PDE4DIP: variants seen among roughly 807,000 people sequenced by gnomAD.
PDE4DIP encodes the protein phosphodiesterase 4D interacting protein.
Under a neutral mutation model 221.4 loss-of-function variants are expected in PDE4DIP, and 59 were observed. The observed-to-expected ratio is 0.27, with a 90% CI of 0.22 to 0.33. PDE4DIP has a LOEUF of 0.33. PDE4DIP is among the 10% of genes least tolerant of loss of function. The pLI is 1.00. For synonymous variants in PDE4DIP, 404 were observed against 815.9 expected (o/e 0.50, Z 8.60); for missense variants, 1,036 against 2,154.2 (o/e 0.48, Z 10.28).
chr1:148,985,846 TA>T (rs2061824263), intron 21 of PDE4DIP: 1 of 152,124 alleles, frequency 6.6e-6, no homozygotes. Context: ...ATATGGAGAA[TA>T]GGGGTTTTAA....
At chr1:149,021,246 AAGCT>A in intron 37 of PDE4DIP, 93 bp downstream of exon 40, 1 of 780,728 alleles carries the variant, frequency 1.3e-6, no homozygotes, top group Admixed American at 2.2e-5. Context: ...AGATCATGGG[AAGCT>A]ACAGAGTTCT....
At chr1:148,925,748 T>G (rs2150339689) in intron 1 of PDE4DIP, among the ~76,000 whole-genome samples, 1 of 148,766 alleles carries the variant, frequency 6.7e-6, no homozygotes, top group African/African-American at 2.5e-5. Context: ...TCTCATTCAA[T>G]CCTCACAGAA....
chr1:148,953,820 C>T (rs782051259), intron 5 of PDE4DIP: 19 of 1,474,542 alleles, frequency 1.3e-5, no homozygotes, highest in African/African-American at 9.9e-5. Flanking sequence ...CTTTACAAGA[C>T]ACCTGTGAGT....
intron 1 of PDE4DIP, among the ~76,000 whole-genome samples, chr1:148,927,095 C>T (rs1213434762): frequency 2.7e-5 from 4 of 149,764 alleles, no homozygotes; most frequent in African/African-American, 7.4e-5. Flanking sequence ...TCTAATGAAA[C>T]AAATTATTTG....
intron 1 of PDE4DIP, among the ~76,000 whole-genome samples, chr1:148,907,014 A>T (rs1329856938): frequency 4.6e-5 from 7 of 151,612 alleles, no homozygotes; most frequent in African/African-American, 1.7e-4. Context: ...GCGCCATTGC[A>T]CTCCAGCCTG....
At chr1:148,905,110 G>A (rs587616081) in intron 1 of PDE4DIP, among the ~76,000 whole-genome samples, 1 of 133,436 alleles carries the variant, frequency 7.5e-6, no homozygotes, top group African/African-American at 2.9e-5. Flanking sequence ...TCTGTTCAGA[G>A]TATCTAATTC....
chr1:149,017,671 A>C, intron 33 of PDE4DIP, 77 bp from the exon 37 acceptor site: 1 of 824,178 alleles, frequency 1.2e-6, no homozygotes, highest in South Asian at 1.5e-5. Context: ...CAGGTCCCCT[A>C]GCCGAGCCCC....
At chr1:148,976,149 T>A (rs1350826579) in intron 17 of PDE4DIP, among the ~76,000 whole-genome samples, 1 of 152,242 alleles carries the variant, frequency 6.6e-6, no homozygotes, top group Non-Finnish European at 1.5e-5. Flanking sequence ...TCCAGAGTAA[T>A]GTTACTTTTT....
chr1:148,973,570 A>G (rs1459205569), intron 16 of PDE4DIP, among the ~76,000 whole-genome samples: 3 of 151,284 alleles, frequency 2.0e-5, no homozygotes, highest in African/African-American at 7.3e-5. Flanking sequence ...CCCTCATTTC[A>G]TATTTGTATC....
At chr1:148,830,475 A>G (rs1671712283) in intron 1 of PDE4DIP, among the ~76,000 whole-genome samples, 2 of 90,530 alleles carry the variant, frequency 2.2e-5, no homozygotes, top group Admixed American at 1.1e-4. Flanking sequence ...TGTGCACAAC[A>G]TGCAGGTTAG....
chr1:148,904,784 A>C (rs371221323), intron 1 of PDE4DIP, among the ~76,000 whole-genome samples: 96 of 37,564 alleles, frequency 2.6e-3, no homozygotes, highest in African/African-American at 0.011. Context: ...ATGGTGGATT[A>C]TATTTTTGAT....
At chr1:149,028,096 G>GGAGGTTC (rs1430576350) in intron 40 of PDE4DIP, among the ~76,000 whole-genome samples, 1 of 150,422 alleles carries the variant, frequency 6.6e-6, no homozygotes, top group African/African-American at 2.5e-5. Flanking sequence ...CACCTTGCCA[G>GGAGGTTC]TGAGAGAGAC....
chr1:148,819,771 A>G (rs1668538404), intron 1 of PDE4DIP, among the ~76,000 whole-genome samples: 1 of 68,734 alleles, frequency 1.5e-5, no homozygotes, highest in Admixed American at 1.4e-4. Flanking sequence ...AGGATATCTC[A>G]TGGAACTGTC....
intron 37 of PDE4DIP, among the ~76,000 whole-genome samples, chr1:149,023,608 G>A (rs1327086016): frequency 6.9e-6 from 1 of 144,316 alleles, no homozygotes; most frequent in African/African-American, 2.5e-5. Context: ...ATGTATATGT[G>A]TGCACATATA....
At chr1:149,030,496 C>A (rs2076431416) in intron 43 of PDE4DIP, 1 of 977,286 alleles carries the variant, frequency 1.0e-6, no homozygotes, top group African/African-American at 1.8e-5. Flanking sequence ...TCTTGGTTCA[C>A]TCTCACATTG....
At chr1:148,922,310 C>CT (rs1358757986) in intron 1 of PDE4DIP, among the ~76,000 whole-genome samples, 1 of 147,892 alleles carries the variant, frequency 6.8e-6, no homozygotes, top group Admixed American at 6.7e-5. Flanking sequence ...AATCCCAACA[C>CT]TTTGGGAGGC....
chr1:148,936,778 G>C (rs2049284518), intron 4 of PDE4DIP, among the ~76,000 whole-genome samples: 1 of 151,098 alleles, frequency 6.6e-6, no homozygotes, highest in Non-Finnish European at 1.5e-5. Context: ...CACAAGCCTA[G>C]GCCTACACAG....
chr1:149,010,278 A>T (rs1553603919), intron 30 of PDE4DIP, among the ~76,000 whole-genome samples, 165 bp from the exon 34 acceptor site: 2 of 152,122 alleles, frequency 1.3e-5, no homozygotes, highest in Non-Finnish European at 2.9e-5. Context: ...GCCTCACTAT[A>T]GGAGCTGTCT....
At chr1:148,979,986 C>G (rs1553541055) in intron 20 of PDE4DIP, 137 bp downstream of exon 23, 8 of 1,154,720 alleles carry the variant, frequency 6.9e-6, no homozygotes, top group East Asian at 5.9e-5. Context: ...GGGACAATTA[C>G]CGGGGCTACC....
Sources: allele counts gnomAD v4.1 joint callset (sites outside exome capture counted in the v4.1 genomes callset), GRCh38; gene constraint gnomAD v4.1.1; transcripts MANE v1.5; gene names NCBI Gene and HGNC (gene_info 2026-07-23, HGNC 2026-07-21).